Variants in FOXJ3 observed in about 807,000 individuals in gnomAD.
The protein encoded by FOXJ3 is forkhead box J3.
FOXJ3 carries 22 observed loss-of-function variants against 76.1 expected under a neutral mutation model. That is an observed-to-expected ratio of 0.29 (90% confidence interval 0.21 to 0.41). FOXJ3 has a LOEUF of 0.41. Ranked by LOEUF, FOXJ3 falls within the 10% of genes least tolerant of loss-of-function variation. The probability of loss-of-function intolerance (pLI) is 1.00; values close to 1 mark genes in which losing one functional copy is unlikely to be tolerated. For synonymous variants in FOXJ3, 269 were observed against 261.2 expected (o/e 1.03, Z -0.29); for missense variants, 613 against 762.1 (o/e 0.80, Z 2.30).
chr1:42,217,422 G>C (rs145103329), intron 5 of FOXJ3, among the ~76,000 whole-genome samples: 1 of 152,028 alleles, frequency 6.6e-6, no homozygotes, highest in African/African-American at 2.4e-5. Context: ...CCAGCTACTC[G>C]GGAGGCTGAG....
chr1:42,274,070 T>C (rs1354881398), intron 3 of FOXJ3, among the ~76,000 whole-genome samples: 2 of 152,218 alleles, frequency 1.3e-5, no homozygotes, highest in African/African-American at 2.4e-5. Context: ...TTGGGCTTTC[T>C]AAGCCACATA....
chr1:42,275,123 G>C (rs1261093787), intron 3 of FOXJ3, among the ~76,000 whole-genome samples: 7 of 152,218 alleles, frequency 4.6e-5, no homozygotes, highest in Non-Finnish European at 1.0e-4. Flanking sequence ...GTATGGAAGA[G>C]AAAGAGATAC....
At chr1:42,237,427 T>TATATATATATATATATACAC (rs1166082659) in intron 4 of FOXJ3, among the ~76,000 whole-genome samples, 1 of 129,918 alleles carries the variant, frequency 7.7e-6, no homozygotes, top group African/African-American at 2.7e-5. Flanking sequence ...TATATATATA[T>TATATATATATATATATACAC]ACATACATAC....
intron 4 of FOXJ3, among the ~76,000 whole-genome samples, chr1:42,250,924 A>AG (rs35887913): frequency 6.6e-6 from 1 of 151,664 alleles, no homozygotes; most frequent in Non-Finnish European, 1.5e-5. Flanking sequence ...GAACAAAAAG[A>AG]TGAGAAAAAT....
chr1:42,276,248 C>A (rs1485229911), intron 3 of FOXJ3, among the ~76,000 whole-genome samples: 1 of 151,774 alleles, frequency 6.6e-6, no homozygotes, highest in East Asian at 1.9e-4. Flanking sequence ...CCCAGCTACT[C>A]GAGAGGCTGA....
rs548213197 is a variant in FOXJ3, at chr1:42,263,631, C to T, written c.444+1484G>A. Among the ~76,000 whole-genome samples, 70 of 152,168 alleles carry T rather than the reference C, an allele frequency of 4.6e-4. 1 individual carries two copies. The highest frequency in any genetic ancestry group is 1.4e-3 in the African/African-American group (59 of 41,530). On this transcript the variant is annotated intron_variant, in intron 4 of 12. Transcript: ENST00000361346. The stretch of plus-strand genomic sequence containing the variant: ...TCAATCTTACTGAGAACCAACTTGA[C>T]GGAGCAGACAGATGATAAAAAGTGC...
chr1:42,308,944 T>A (rs1654630621), intron 2 of FOXJ3, among the ~76,000 whole-genome samples: 1 of 134,778 alleles, frequency 7.4e-6, no homozygotes. Flanking sequence ...CTAAAATATC[T>A]TAAGGAAGTC....
chr1:42,331,325 C>T (rs1392862375), intron 1 of FOXJ3, among the ~76,000 whole-genome samples: 4 of 151,672 alleles, frequency 2.6e-5, no homozygotes, highest in Admixed American at 6.6e-5. Flanking sequence ...GAGGTTGCAG[C>T]GAGCCGAGAT....
At chr1:42,227,841 T>C (rs1426525427) in intron 5 of FOXJ3, 42 bp downstream of exon 5, 1 of 1,054,562 alleles carries the variant, frequency 9.5e-7, no homozygotes, top group Non-Finnish European at 1.4e-6. Context: ...ATTTCAGACA[T>C]ATTCAATGCA....
In FOXJ3 at chr1:42,179,517, T is replaced by C. The variant is rs1646275392; in HGVS notation, c.*193A>G. Reference sequence around the variant, plus strand: ...AGGGCAGCTGGCAGGGAGACAAACATGTAGTACTTGCTTGGGTCAGATAAA... The same window carrying C: ...AGGGCAGCTGGCAGGGAGACAAACACGTAGTACTTGCTTGGGTCAGATAAA... On this transcript the variant is annotated 3_prime_UTR_variant, in exon 13 of 13. Transcript: ENST00000361346. 1 of 417,658 alleles carries C rather than the reference T, an allele frequency of 2.4e-6. No individual in the cohort carries two copies. The highest frequency in any genetic ancestry group is 3.8e-5 in the Admixed American group (1 of 26,312). The allele number at this position is 417,658 out of a possible 1,614,324, so 25.9% of individuals were successfully genotyped here. A position where few individuals can be genotyped will look rare whatever the true frequency, so the allele number is the denominator to read the frequency against.
At chr1:42,182,153 G>C in intron 11 of FOXJ3, 129 bp from the exon 12 acceptor site, 1 of 588,736 alleles carries the variant, frequency 1.7e-6, no homozygotes, top group Non-Finnish European at 3.0e-6. Flanking sequence ...AAAGGGGGAA[G>C]AAAATATTAC....
chr1:42,190,735 G>C (rs1646523962), intron 9 of FOXJ3, among the ~76,000 whole-genome samples: 1 of 152,130 alleles, frequency 6.6e-6, no homozygotes, highest in Non-Finnish European at 1.5e-5. Context: ...TGACTAATTT[G>C]TTGTTGTTGT....
intron 5 of FOXJ3, among the ~76,000 whole-genome samples, chr1:42,213,041 C>T (rs1483001092): frequency 1.3e-5 from 2 of 148,924 alleles, no homozygotes; most frequent in Non-Finnish European, 3.0e-5. Flanking sequence ...GCTAAGGAAG[C>T]TTGTCAATAA....
intron 4 of FOXJ3, among the ~76,000 whole-genome samples, chr1:42,237,437 CATAT>C (rs1192214665): frequency 1.5e-5 from 2 of 137,202 alleles, no homozygotes; most frequent in African/African-American, 2.7e-5. Flanking sequence ...TACATACATA[CATAT>C]ATATATATAC....
intron 4 of FOXJ3, among the ~76,000 whole-genome samples, chr1:42,253,936 T>C (rs1650340536): frequency 6.6e-6 from 1 of 151,352 alleles, no homozygotes; most frequent in African/African-American, 2.4e-5. Flanking sequence ...CCAAAAGCAA[T>C]GGCAACAAAA....
intron 4 of FOXJ3, among the ~76,000 whole-genome samples, chr1:42,248,941 C>T (rs1312920216): frequency 6.6e-6 from 1 of 151,850 alleles, no homozygotes; most frequent in African/African-American, 2.4e-5. Flanking sequence ...GTGTGTTGTC[C>T]CCCTCCCTGT....
intron 4 of FOXJ3, among the ~76,000 whole-genome samples, chr1:42,242,703 C>T (rs780774075): frequency 6.6e-6 from 1 of 151,970 alleles, no homozygotes; most frequent in Non-Finnish European, 1.5e-5. Flanking sequence ...ATATGGGACA[C>T]CATAAAGGGA....
At chr1:42,217,000 G>C (rs1441247746) in intron 5 of FOXJ3, among the ~76,000 whole-genome samples, 1 of 152,100 alleles carries the variant, frequency 6.6e-6, no homozygotes, top group Non-Finnish European at 1.5e-5. Flanking sequence ...AAAAAAGCAA[G>C]ACTGATAAAT....
intron 2 of FOXJ3, among the ~76,000 whole-genome samples, chr1:42,285,969 G>A (rs1003658140): frequency 1.3e-5 from 2 of 152,178 alleles, no homozygotes; most frequent in Admixed American, 1.3e-4. Flanking sequence ...GAAAGGGACT[G>A]TATCCAGAGA....
Sources: gnomAD v4.1 joint callset for allele counts (sites outside exome capture counted in the v4.1 genomes callset) on GRCh38, gnomAD v4.1.1 for gene constraint, MANE v1.5 for transcripts, NCBI Gene and HGNC (gene_info 2026-07-23, HGNC 2026-07-21) for gene names.